Variants in LRP1B observed in about 807,000 individuals in gnomAD.
LRP1B encodes low-density lipoprotein receptor-related protein 1B.
A neutral mutation model predicts 556.6 loss-of-function variants in LRP1B; 217 were observed. The ratio of observed to expected loss-of-function variants is 0.39; its 90% CI spans 0.35 to 0.44. LRP1B has a LOEUF of 0.44. LRP1B is among the 20% of genes least tolerant of loss of function. LRP1B has a pLI of 1.00. For missense variants in LRP1B, 5,053 were observed against 5,620.8 expected, an observed-to-expected ratio of 0.90 and a Z score of 3.23; for synonymous variants, 2,047 against 1,865.8, an observed-to-expected ratio of 1.10 and a Z score of -2.50.
chr2:141,264,875 C>T (rs1052589249), intron 3 of LRP1B, among the ~76,000 whole-genome samples: 1 of 152,188 alleles, frequency 6.6e-6, no homozygotes, highest in African/African-American at 2.4e-5. Context: ...CTGGTCAAGC[C>T]TTGGGAGGCT....
chr2:140,754,780 A>AG (rs1225512563), intron 35 of LRP1B, among the ~76,000 whole-genome samples: 2 of 147,498 alleles, frequency 1.4e-5, no homozygotes, highest in Non-Finnish European at 3.0e-5. Flanking sequence ...AAAAAAAAAA[A>AG]CAGCAAACAA....
chr2:140,537,619 G>A (rs1679968031), intron 45 of LRP1B, among the ~76,000 whole-genome samples: 1 of 152,102 alleles, frequency 6.6e-6, no homozygotes, highest in African/African-American at 2.4e-5. Context: ...GGGATGAGGT[G>A]CAGGAGGACA....
At chr2:140,284,130 A>G (rs1032342870) in intron 84 of LRP1B, among the ~76,000 whole-genome samples, 1 of 151,786 alleles carries the variant, frequency 6.6e-6, no homozygotes, top group African/African-American at 2.4e-5. Context: ...TTAAGGTTCA[A>G]TTAATTTCAG....
At chr2:142,023,532 C>T (rs955808577) in intron 1 of LRP1B, among the ~76,000 whole-genome samples, 7 of 152,146 alleles carry the variant, frequency 4.6e-5, no homozygotes, top group Admixed American at 2.6e-4. Context: ...GTCCATTCTT[C>T]GAGGTCAATA....
intron 43 of LRP1B, among the ~76,000 whole-genome samples, chr2:140,566,804 C>G (rs541793509): frequency 2.6e-5 from 4 of 152,250 alleles, no homozygotes; most frequent in Admixed American, 2.6e-4. Flanking sequence ...CCTGGTCAGC[C>G]AGAACCTCAA....
chr2:141,415,664 C>T (rs1269368585), intron 3 of LRP1B, among the ~76,000 whole-genome samples: 3 of 152,040 alleles, frequency 2.0e-5, no homozygotes, highest in Admixed American at 6.5e-5. Flanking sequence ...ACAAAAAGCG[C>T]CATTTATAAG....
intron 5 of LRP1B, among the ~76,000 whole-genome samples, chr2:141,232,522 G>T (rs1683509988): frequency 6.6e-6 from 1 of 152,276 alleles, no homozygotes; most frequent in South Asian, 2.1e-4. Context: ...ATAAAGGAGC[G>T]CTGAGATTCC....
chr2:141,377,430 A>G (rs1333822338), intron 3 of LRP1B, among the ~76,000 whole-genome samples: 2 of 152,000 alleles, frequency 1.3e-5, no homozygotes, highest in Non-Finnish European at 2.9e-5. Flanking sequence ...TCATTCATGG[A>G]TTGTCATGTT....
At chr2:140,944,526 C>T (rs1200649914) in intron 20 of LRP1B, among the ~76,000 whole-genome samples, 1 of 152,090 alleles carries the variant, frequency 6.6e-6, no homozygotes, top group Admixed American at 6.6e-5. Context: ...AAATTACTAG[C>T]AAACTGAGTC....
chr2:140,775,494 AAG>A (rs1689463758), intron 33 of LRP1B, among the ~76,000 whole-genome samples: 2 of 133,822 alleles, frequency 1.5e-5, no homozygotes, highest in African/African-American at 2.7e-5. Flanking sequence ...TTTTTTTAGA[AAG>A]AGAATTGTGC....
intron 1 of LRP1B, among the ~76,000 whole-genome samples, chr2:141,955,877 C>T (rs1204329992): frequency 6.6e-6 from 1 of 152,088 alleles, no homozygotes; most frequent in South Asian, 2.1e-4. Flanking sequence ...TTCTCTTAAG[C>T]CTGCCTAAAA....
intron 7 of LRP1B, among the ~76,000 whole-genome samples, chr2:141,185,683 C>A (rs370073755): frequency 1.8e-3 from 131 of 74,252 alleles, no homozygotes; most frequent in East Asian, 4.0e-3. Flanking sequence ...GAAAAACAAA[C>A]AAACAAAAAA....
chr2:140,288,663 C>A (rs746605927), intron 84 of LRP1B, among the ~76,000 whole-genome samples: 1 of 151,704 alleles, frequency 6.6e-6, no homozygotes, highest in Non-Finnish European at 1.5e-5. Flanking sequence ...TGAATCCATG[C>A]AGTTTACTTA....
intron 11 of LRP1B, among the ~76,000 whole-genome samples, chr2:141,040,111 T>C (rs912746506): frequency 7.2e-5 from 11 of 152,118 alleles, no homozygotes; most frequent in Admixed American, 6.6e-5. Flanking sequence ...TTATTTAGAC[T>C]ATATGGCATG....
rs759546131 is a variant in LRP1B at position 140,456,523 on chromosome 2, C to T, written c.9895G>A (p.Ala3299Thr). Residue 3299 changes from alanine to threonine, a missense_variant, in exon 62 of 91, where the codon GCA (alanine) becomes ACA (threonine). Ala to Thr is a moderately conservative substitution (Grantham distance 58). Coordinates refer to ENST00000389484, the MANE Select transcript of LRP1B (RefSeq NM_018557.3). ...LLAPGKTHTC[A>T]CPTNFYLAAD... Reference sequence around the variant, plus strand: ...GCCAGATAGAAGTTAGTGGGACATGCACAAGTGTGGGTTTTTCCAGGGGCT... The same window carrying T: ...GCCAGATAGAAGTTAGTGGGACATGTACAAGTGTGGGTTTTTCCAGGGGCT... 2.5e-6 allele frequency: 4 copies of T among 1,613,286 alleles called. No homozygotes were observed. The highest frequency in any genetic ancestry group is 2.5e-6 in the Non-Finnish European group (3 of 1,179,496).
chr2:141,703,259 C>T (rs1179331973), intron 2 of LRP1B, among the ~76,000 whole-genome samples: 1 of 151,746 alleles, frequency 6.6e-6, no homozygotes, highest in African/African-American at 2.4e-5. Context: ...AACCTCTTGG[C>T]TAAAGATTTT....
At chr2:141,267,566 T>C (rs1684935919) in intron 3 of LRP1B, among the ~76,000 whole-genome samples, 1 of 152,146 alleles carries the variant, frequency 6.6e-6, no homozygotes, top group African/African-American at 2.4e-5. Flanking sequence ...AAGGGTGACA[T>C]ACTAGAGTTA....
At chr2:140,393,556 C>G (rs1684120349) in intron 66 of LRP1B, among the ~76,000 whole-genome samples, 1 of 151,948 alleles carries the variant, frequency 6.6e-6, no homozygotes, top group Non-Finnish European at 1.5e-5. Flanking sequence ...TTTTGTCCTT[C>G]TTGCTACTAT....
At chr2:141,626,339 A>G (rs1688701763) in intron 2 of LRP1B, among the ~76,000 whole-genome samples, 1 of 152,216 alleles carries the variant, frequency 6.6e-6, no homozygotes, top group Non-Finnish European at 1.5e-5. Context: ...TAAATGTAAA[A>G]TGCAAAACTA....
Sources: gnomAD v4.1 joint callset for allele counts (sites outside exome capture counted in the v4.1 genomes callset) on GRCh38, gnomAD v4.1.1 for gene constraint, MANE v1.5 for transcripts, NCBI Gene and HGNC (gene_info 2026-07-23, HGNC 2026-07-21) for gene names.